STXBP5L: variants seen among roughly 807,000 people sequenced by gnomAD.
STXBP5L encodes syntaxin binding protein 5L.
STXBP5L carries 65 observed loss-of-function variants against 144.5 expected under a neutral mutation model. The ratio of observed to expected loss-of-function variants is 0.45; its 90% CI spans 0.37 to 0.55. The LOEUF is 0.55. Ranked by LOEUF, STXBP5L falls within the 20% of genes least tolerant of loss-of-function variation. STXBP5L has a pLI of 0.00. For missense variants in STXBP5L, 1,298 were observed against 1,405.5 expected (o/e 0.92, Z 1.22); for synonymous variants, 505 against 469.6 (o/e 1.08, Z -0.97).
chr3:120,990,852 T>C (rs1335732265), intron 3 of STXBP5L, among the ~76,000 whole-genome samples: 2 of 152,104 alleles, frequency 1.3e-5, no homozygotes, highest in Non-Finnish European at 2.9e-5. Flanking sequence ...AAGACTTAAA[T>C]GTTAGACCTA....
At chr3:121,370,271 G>C (rs1246706667) in intron 20 of STXBP5L, among the ~76,000 whole-genome samples, 1 of 152,168 alleles carries the variant, frequency 6.6e-6, no homozygotes, top group Non-Finnish European at 1.5e-5. Flanking sequence ...GGGAGGCTGA[G>C]GCAAGAGAAT....
At position 121,026,847 on chromosome 3, in the gene STXBP5L, TA is replaced by T. The variant is rs945979223; in HGVS notation, c.288-14847del. Among the ~76,000 whole-genome samples the T allele has an allele frequency of 1.4e-4, 21 of 151,650 alleles. No individual in the cohort carries two copies. The South Asian group carries it at 4.1e-3, about 30-fold the overall frequency. Reference sequence around the variant, plus strand: ...TGTACCCTAAAACTTAAAGTATTATTAAAAAATATATATATATAGTTATATT... The same window carrying T: ...TGTACCCTAAAACTTAAAGTATTATTAAAAATATATATATATAGTTATATT... On this transcript the variant is annotated intron_variant, in intron 3 of 26. Coordinates refer to ENST00000471454, the MANE Select transcript of STXBP5L (RefSeq NM_001308330.2).
At chr3:120,949,262 A>T (rs749299319) in intron 2 of STXBP5L, among the ~76,000 whole-genome samples, 1 of 150,608 alleles carries the variant, frequency 6.6e-6, no homozygotes, top group Non-Finnish European at 1.5e-5. Context: ...TATTATATTT[A>T]TATTTTTATT....
chr3:121,102,005 A>G (rs77875380), intron 5 of STXBP5L, among the ~76,000 whole-genome samples: 6,957 of 152,152 alleles, frequency 0.046, 430 homozygotes, highest in Admixed American at 0.17. Flanking sequence ...CATCTAACCC[A>G]AGATATGAAA....
At chr3:121,204,584 T>C (rs916092429) in intron 9 of STXBP5L, among the ~76,000 whole-genome samples, 4 of 147,650 alleles carry the variant, frequency 2.7e-5, no homozygotes, top group Non-Finnish European at 4.6e-5. Context: ...TAAAGCTATA[T>C]GCATGTAAAC....
intron 9 of STXBP5L, among the ~76,000 whole-genome samples, chr3:121,186,299 G>C (rs2047379088): frequency 6.6e-6 from 1 of 152,098 alleles, no homozygotes. Flanking sequence ...TCCTTCTCCT[G>C]CCTGATAGCC....
At position 121,074,686 on chromosome 3, in the gene STXBP5L, G is replaced by C. The variant is rs2041949412; in HGVS notation, c.470+29151G>C. On this transcript the variant is annotated intron_variant, in intron 5 of 26. Transcript: ENST00000471454. ...CTTTATAAATTTTGCATCTCTCATAGAGTCTCCATTCCTTTGTTGTTGGGA... is the reference window on the plus strand; with the variant it reads ...CTTTATAAATTTTGCATCTCTCATACAGTCTCCATTCCTTTGTTGTTGGGA... Among the ~76,000 whole-genome samples, 4 of 152,192 alleles carry C rather than the reference G, an allele frequency of 2.6e-5. No homozygotes were observed. The South Asian group carries it at 8.3e-4, about 32-fold the overall frequency.
In STXBP5L at chr3:121,032,147, G is replaced by A. The variant is rs1227866639; in HGVS notation, c.288-9553G>A. On this transcript the variant is annotated intron_variant, in intron 3 of 26. Coordinates refer to ENST00000471454, the MANE Select transcript of STXBP5L (RefSeq NM_001308330.2). ...ATTGAAGGCTGAGATGGCCCAGGAG[G>A]AGTGAGTAAGGTATGAAAAGAAGTA... 2.6e-5 allele frequency among the ~76,000 whole-genome samples: 4 copies of A among 151,562 alleles called. No homozygotes were observed. The Admixed American group carries it at 2.6e-4, about 10-fold the overall frequency.
intron 9 of STXBP5L, among the ~76,000 whole-genome samples, chr3:121,177,827 A>C (rs1371528522): frequency 6.6e-6 from 1 of 152,224 alleles, no homozygotes; most frequent in Non-Finnish European, 1.5e-5. Context: ...GTGTATACTC[A>C]TATTCATTGA....
intron 5 of STXBP5L, chr3:121,099,146 G>T (rs544174868): frequency 6.6e-6 from 1 of 152,126 alleles, no homozygotes; most frequent in African/African-American, 2.4e-5. Flanking sequence ...TCCTTACCAG[G>T]GAACCAATCT....
At chr3:120,911,835 G>A (rs759777813) in intron 2 of STXBP5L, among the ~76,000 whole-genome samples, 10 of 151,872 alleles carry the variant, frequency 6.6e-5, no homozygotes, top group Non-Finnish European at 1.3e-4. Flanking sequence ...TAATTACCTG[G>A]TCTATAACAA....
chr3:121,243,095 C>G lies in STXBP5L; in HGVS notation c.1400+2588C>G, dbSNP rs117079259. 9.3e-3 allele frequency among the ~76,000 whole-genome samples: 1,416 copies of G among 152,228 alleles called. 55 individuals carry two copies. In the East Asian group the frequency reaches 0.12, roughly 13 times the overall value. On this transcript the variant is annotated intron_variant, in intron 14 of 26. Coordinates refer to ENST00000471454, the MANE Select transcript of STXBP5L (RefSeq NM_001308330.2). ...GCTTCACCTTTACTCATGGCTTCAC[C>G]TTTTTGAGGGAAAGAAAAGAGCGGA... is the stretch of plus-strand genomic sequence containing the variant.
At chr3:121,342,441 C>A (rs1480317602) in intron 20 of STXBP5L, among the ~76,000 whole-genome samples, 2 of 151,454 alleles carry the variant, frequency 1.3e-5, no homozygotes, top group East Asian at 3.9e-4. Context: ...TGGTGCGCTG[C>A]ACCCATTAAC....
chr3:121,305,711 T>G (rs1577410112), intron 19 of STXBP5L, among the ~76,000 whole-genome samples: 2 of 152,202 alleles, frequency 1.3e-5, no homozygotes, highest in Non-Finnish European at 2.9e-5. Context: ...AATACTGACT[T>G]TTTTTTGTAG....
intron 19 of STXBP5L, among the ~76,000 whole-genome samples, chr3:121,291,050 A>C (rs2051421235): frequency 6.6e-6 from 1 of 152,150 alleles, no homozygotes; most frequent in South Asian, 2.1e-4. Flanking sequence ...TCCTAGCCAG[A>C]GCAACCAGAC....
intron 7 of STXBP5L, among the ~76,000 whole-genome samples, chr3:121,151,734 C>T (rs1463542495): frequency 6.6e-6 from 1 of 151,634 alleles, no homozygotes; most frequent in East Asian, 1.9e-4. Context: ...TTTTCCCTAA[C>T]CAATGATAGG....
chr3:121,346,552 G>T (rs1356532370), intron 20 of STXBP5L, among the ~76,000 whole-genome samples: 1 of 152,088 alleles, frequency 6.6e-6, no homozygotes, highest in Admixed American at 6.6e-5. Flanking sequence ...GGTTGAACTA[G>T]TTTACAGTCC....
At chr3:121,397,019 C>A (rs1348802127) in intron 22 of STXBP5L, among the ~76,000 whole-genome samples, 1 of 152,248 alleles carries the variant, frequency 6.6e-6, no homozygotes, top group Non-Finnish European at 1.5e-5. Flanking sequence ...ATTACAGCTA[C>A]AAGCTCCGCT....
Position 120,955,033 on chromosome 3 carries a change from C to A in STXBP5L, c.283C>A (p.Arg95=). Reference sequence around the variant, plus strand: ...TATTGGGACGAGAACAGGTGCTATACGAATGTATCCTTAAATTTTGGTTCA... The same window carrying A: ...TATTGGGACGAGAACAGGTGCTATAAGAATGTATCCTTAAATTTTGGTTCA... ...LAIGTRTGAI[R]ILGRPGVDCY... is the part of the protein sequence containing the mutation. The change falls in exon 3 of 27, where the codon CGA becomes AGA. Residue 95 remains arginine, a synonymous_variant. Coordinates refer to ENST00000471454, the MANE Select transcript of STXBP5L (RefSeq NM_001308330.2). The A allele has an allele frequency of 6.2e-7, 1 of 1,610,182 alleles. No homozygotes were observed. Among genetic ancestry groups the A allele is most frequent in the East Asian group, 2.2e-5 (1 of 44,714 alleles).
Sources: allele counts gnomAD v4.1 joint callset (sites outside exome capture counted in the v4.1 genomes callset), GRCh38; gene constraint gnomAD v4.1.1; transcripts MANE v1.5; gene names NCBI Gene and HGNC (gene_info 2026-07-23, HGNC 2026-07-21).